RAB3C: variants seen among roughly 807,000 people sequenced by gnomAD.
RAB3C encodes the protein RAB3C, member RAS oncogene family.
A neutral mutation model predicts 26.4 loss-of-function variants in RAB3C; 17 were observed. The ratio of observed to expected loss-of-function variants is 0.64; its 90% CI spans 0.44 to 0.97. The LOEUF is 0.97. Ranked by LOEUF, RAB3C falls within the 50% of genes least tolerant of loss-of-function variation. The probability of loss-of-function intolerance (pLI) is 0.00; values close to 1 mark genes in which losing one functional copy is unlikely to be tolerated. For missense variants in RAB3C, 242 were observed against 281.9 expected (o/e 0.86, Z 1.01); for synonymous variants, 91 against 95.9 (o/e 0.95, Z 0.30).
rs533740300 is a variant in RAB3C at position 58,856,990 on chromosome 5, G to A, written c.*5639G>A. 23 of 152,268 alleles carry A rather than the reference G, an allele frequency of 1.5e-4. No individual in the cohort carries two copies. Among genetic ancestry groups the A allele is most frequent in the African/African-American group, 5.1e-4 (21 of 41,556 alleles). 9.4% of individuals were successfully genotyped at this position (152,268 alleles called of 1,614,324 possible). ...TGTCCAAATGTACAACAATTTAATG[G>A]TGTTTGTAGAACTGATATGTCTTAA... On this transcript the variant is annotated 3_prime_UTR_variant, in exon 5 of 5. Coordinates refer to ENST00000282878, the MANE Select transcript of RAB3C (RefSeq NM_138453.4).
At chr5:58,731,132 A>G (rs1271924386) in intron 3 of RAB3C, among the ~76,000 whole-genome samples, 1 of 152,134 alleles carries the variant, frequency 6.6e-6, no homozygotes, top group Non-Finnish European at 1.5e-5. Context: ...GTGGAGACAC[A>G]GCCAAACCAT....
intron 3 of RAB3C, among the ~76,000 whole-genome samples, chr5:58,753,975 A>G (rs937256617): frequency 1.3e-5 from 2 of 152,248 alleles, no homozygotes; most frequent in Non-Finnish European, 2.9e-5. Context: ...GCTTGCCAAC[A>G]TTAGTGGGCC....
intron 3 of RAB3C, among the ~76,000 whole-genome samples, chr5:58,755,032 G>C (rs1741625055): frequency 6.6e-6 from 1 of 152,116 alleles, no homozygotes; most frequent in Admixed American, 6.5e-5. Flanking sequence ...CATGCAGTTG[G>C]AGCTGACAGC....
chr5:58,677,955 G>T (rs1339033289), intron 2 of RAB3C, among the ~76,000 whole-genome samples: 1 of 143,076 alleles, frequency 7.0e-6, no homozygotes, highest in Non-Finnish European at 1.6e-5. Flanking sequence ...TCTTTTACTG[G>T]CAGGTAGTAG....
intron 3 of RAB3C, among the ~76,000 whole-genome samples, chr5:58,768,153 C>T (rs879849019): frequency 1.3e-5 from 2 of 152,104 alleles, no homozygotes; most frequent in African/African-American, 2.4e-5. Flanking sequence ...CTGTCTTGAA[C>T]ATGCTGACTT....
intron 2 of RAB3C, among the ~76,000 whole-genome samples, chr5:58,645,728 G>T (rs1038340776): frequency 1.3e-5 from 2 of 152,144 alleles, no homozygotes. Flanking sequence ...TGGAAAAACT[G>T]ATAACTTCCC....
chr5:58,740,567 A>G (rs1741255076), intron 3 of RAB3C, among the ~76,000 whole-genome samples: 1 of 152,216 alleles, frequency 6.6e-6, no homozygotes, highest in Admixed American at 6.5e-5. Flanking sequence ...CACGCCTGTA[A>G]TCCCAGCACT....
At position 58,660,210 on chromosome 5, in the gene RAB3C, A is replaced by C. The variant is rs1019519825; in HGVS notation, c.252+42340A>C. Among the ~76,000 whole-genome samples, 12 of 150,188 alleles carry C rather than the reference A, an allele frequency of 8.0e-5. 2 individuals are homozygous for C. Among genetic ancestry groups the C allele is most frequent in the African/African-American group, 3.0e-4 (12 of 39,538 alleles). On this transcript the variant is annotated intron_variant, in intron 2 of 4. Transcript: ENST00000282878. ...CCCCCTTCCTATCTATGCAAGGTAGATAGATGTGAACCATATTAGATGATT... is the reference window on the plus strand; with the variant it reads ...CCCCCTTCCTATCTATGCAAGGTAGCTAGATGTGAACCATATTAGATGATT...
chr5:58,627,353 T>TTAAATTCGGTGCAAATTAAGC (rs557291106), intron 2 of RAB3C, among the ~76,000 whole-genome samples: 6 of 139,714 alleles, frequency 4.3e-5, no homozygotes, highest in East Asian at 2.0e-4. Context: ...TAAACACAGC[T>TTAAATTCGGTGCAAATTAAGC]ACTCGGGAGG....
intron 2 of RAB3C, among the ~76,000 whole-genome samples, chr5:58,687,028 C>G (rs2111851316): frequency 6.6e-6 from 1 of 152,166 alleles, no homozygotes; most frequent in East Asian, 1.9e-4. Context: ...ACCTAGAGCT[C>G]AAGGACTTTT....
chr5:58,794,704 C>T (rs544858899), intron 3 of RAB3C, among the ~76,000 whole-genome samples: 8 of 152,260 alleles, frequency 5.3e-5, no homozygotes, highest in South Asian at 2.1e-4. Context: ...ATTCTCGTAA[C>T]GTCTCTATGA....
chr5:58,824,932 T>TA (rs916511000), intron 3 of RAB3C, 106 bp from the exon 4 acceptor site: 5 of 795,248 alleles, frequency 6.3e-6, no homozygotes, highest in Middle Eastern at 2.5e-4. Context: ...TCGTGTTTTT[T>TA]TTTTCCTTTT....
At chr5:58,842,104 A>G (rs1392625819) in intron 4 of RAB3C, among the ~76,000 whole-genome samples, 1 of 152,028 alleles carries the variant, frequency 6.6e-6, no homozygotes, top group Non-Finnish European at 1.5e-5. Flanking sequence ...AATAATCTCA[A>G]TCCTTGACTC....
chr5:58,642,093 A>G (rs1395371457), intron 2 of RAB3C, among the ~76,000 whole-genome samples: 4 of 152,162 alleles, frequency 2.6e-5, no homozygotes, highest in African/African-American at 7.2e-5. Context: ...CTTCCTTTCT[A>G]TGAGCCATTT....
intron 3 of RAB3C, among the ~76,000 whole-genome samples, chr5:58,816,585 C>G (rs1013867821): frequency 1.3e-5 from 2 of 152,176 alleles, no homozygotes; most frequent in Non-Finnish European, 2.9e-5. Flanking sequence ...GGGATATAGA[C>G]AGTATCTGGT....
rs112963947 is a variant in RAB3C at position 58,653,983 on chromosome 5, A to G, written c.252+36113A>G. 8.9e-3 allele frequency among the ~76,000 whole-genome samples: 1,362 copies of G among 152,320 alleles called. 11 individuals carry two copies. Among genetic ancestry groups the G allele is most frequent in the Non-Finnish European group, 0.015 (992 of 68,014 alleles). On this transcript the variant is annotated intron_variant, in intron 2 of 4. Transcript: ENST00000282878. ...ATATACAAAGTGTTTTACATTAAAT[A>G]ACCCCAGAACTGAATCCCAAAACTA...
intron 3 of RAB3C, among the ~76,000 whole-genome samples, chr5:58,754,756 C>CA (rs543386108): frequency 1.3e-3 from 194 of 152,156 alleles, no homozygotes; most frequent in Admixed American, 2.9e-3. Flanking sequence ...AACTGAGGCA[C>CA]AAAAAAGAGT....
chr5:58,597,042 A>G (rs1746301726), intron 1 of RAB3C, among the ~76,000 whole-genome samples: 1 of 95,760 alleles, frequency 1.0e-5, no homozygotes, highest in Non-Finnish European at 1.8e-5. Context: ...AATATATATT[A>G]TATAATATAT....
intron 2 of RAB3C, among the ~76,000 whole-genome samples, chr5:58,646,222 C>G (rs1747514801): frequency 6.6e-6 from 1 of 152,180 alleles, no homozygotes; most frequent in African/African-American, 2.4e-5. Context: ...AGCGTCTTCT[C>G]TCACTGCACC....
Sources: allele counts gnomAD v4.1 joint callset (sites outside exome capture counted in the v4.1 genomes callset), GRCh38; gene constraint gnomAD v4.1.1; transcripts MANE v1.5; gene names NCBI Gene and HGNC (gene_info 2026-07-23, HGNC 2026-07-21).